ITPR1: variants seen among roughly 807,000 people sequenced by gnomAD.
The protein encoded by ITPR1 is inositol 1,4,5-trisphosphate receptor type 1, also known as inositol 1,4,5-trisphosphate-gated calcium channel ITPR1.
A neutral mutation model predicts 318.4 loss-of-function variants in ITPR1; 96 were observed. The observed-to-expected ratio is 0.30, with a 90% CI of 0.26 to 0.36. ITPR1 has a LOEUF of 0.36. Among genes scored for constraint, ITPR1 ranks in the 10% least tolerant of loss-of-function variants. The pLI is 1.00. For synonymous variants in ITPR1, 1,312 were observed against 1,289.9 expected, an observed-to-expected ratio of 1.02 and a Z score of -0.37; for missense variants, 2,440 against 3,460.2, an observed-to-expected ratio of 0.71 and a Z score of 7.40.
chr3:4,702,419 G>T (rs2094675353), intron 35 of ITPR1, among the ~76,000 whole-genome samples: 1 of 152,160 alleles, frequency 6.6e-6, no homozygotes, highest in African/African-American at 2.4e-5. Context: ...GAACTTTGGG[G>T]TCAGTCTGCC....
At chr3:4,689,248 A>T (rs181135659) in intron 31 of ITPR1, among the ~76,000 whole-genome samples, 189 of 152,358 alleles carry the variant, frequency 1.2e-3, no homozygotes, top group Admixed American at 2.3e-3. Context: ...ATATTAATGG[A>T]CAGTTAGGCA....
chr3:4,566,604 G>GCACACACACACACACACACA (rs57756103), intron 4 of ITPR1, among the ~76,000 whole-genome samples: 96 of 140,978 alleles, frequency 6.8e-4, no homozygotes, highest in African/African-American at 2.3e-3. Flanking sequence ...GGGGACACAT[G>GCACACACACACACACACACA]CACACACACA....
chr3:4,702,075 T>G (rs1426721536), intron 35 of ITPR1, among the ~76,000 whole-genome samples: 1 of 152,208 alleles, frequency 6.6e-6, no homozygotes, highest in African/African-American at 2.4e-5. Context: ...GCCTTGCTGG[T>G]CCAAAGCTAC....
chr3:4,572,246 T>C (rs1267963774), intron 4 of ITPR1, among the ~76,000 whole-genome samples: 1 of 152,212 alleles, frequency 6.6e-6, no homozygotes, highest in Non-Finnish European at 1.5e-5. Context: ...TTTGGATGTA[T>C]CTCATAGGCA....
intron 37 of ITPR1, among the ~76,000 whole-genome samples, chr3:4,707,592 G>C (rs974285782): frequency 3.3e-5 from 5 of 152,194 alleles, no homozygotes; most frequent in Non-Finnish European, 7.3e-5. Context: ...CTCCAGTTCA[G>C]GGGGAGGGAA....
chr3:4,520,477 A>G (rs184998365), intron 3 of ITPR1, among the ~76,000 whole-genome samples: 15 of 152,128 alleles, frequency 9.9e-5, no homozygotes, highest in African/African-American at 3.6e-4. Context: ...TCTATTTCGA[A>G]TCTTCCAGTA....
chr3:4,687,264 G>C (rs765141375), intron 30 of ITPR1, among the ~76,000 whole-genome samples: 1 of 152,178 alleles, frequency 6.6e-6, no homozygotes, highest in Non-Finnish European at 1.5e-5. Flanking sequence ...TTAAGAAAAA[G>C]CTTGCTGACC....
At chr3:4,644,108 A>C in intron 7 of ITPR1, 28 bp from the exon 8 acceptor site, 3 of 1,497,884 alleles carry the variant, frequency 2.0e-6, no homozygotes, top group Non-Finnish European at 2.8e-6. Flanking sequence ...AGTTTTGTGC[A>C]AAGCTCTATT....
chr3:4,737,460 C>T (rs1279048486), intron 44 of ITPR1, among the ~76,000 whole-genome samples: 3 of 152,136 alleles, frequency 2.0e-5, no homozygotes. Flanking sequence ...TGTCATATTC[C>T]ATGGTAGAGA....
chr3:4,825,847 G>C, intron 60 of ITPR1: 1 of 456,036 alleles, frequency 2.2e-6, no homozygotes, highest in South Asian at 1.6e-5. Flanking sequence ...GCAGGGGCTG[G>C]TGGGAGGAGA....
chr3:4,539,747 A>G (rs995741336), intron 4 of ITPR1, among the ~76,000 whole-genome samples: 1 of 152,094 alleles, frequency 6.6e-6, no homozygotes, highest in African/African-American at 2.4e-5. Context: ...TGGCTTTATA[A>G]GAAGAGGAAG....
intron 4 of ITPR1, among the ~76,000 whole-genome samples, chr3:4,582,225 T>C (rs1024784530): frequency 6.6e-6 from 1 of 152,116 alleles, no homozygotes; most frequent in South Asian, 2.1e-4. Flanking sequence ...AGTAGGCAAT[T>C]TTCCTCTCCC....
At chr3:4,737,817 C>G (rs1237675796) in intron 44 of ITPR1, among the ~76,000 whole-genome samples, 1 of 152,180 alleles carries the variant, frequency 6.6e-6, no homozygotes, top group East Asian at 1.9e-4. Context: ...CAAGAGAGCT[C>G]TCTGGGTGCT....
chr3:4,565,291 G>C (rs770353305), intron 4 of ITPR1, among the ~76,000 whole-genome samples: 24 of 152,292 alleles, frequency 1.6e-4, no homozygotes, highest in South Asian at 1.5e-3. Context: ...AGAGTTGATA[G>C]AATAGTCACA....
At chr3:4,690,953 T>C (rs1157959579) in intron 31 of ITPR1, among the ~76,000 whole-genome samples, 191 bp from the exon 32 acceptor site, 1 of 152,162 alleles carries the variant, frequency 6.6e-6, no homozygotes, top group Admixed American at 6.5e-5. Context: ...TGTATGTTTA[T>C]TTATATGTCA....
chr3:4,688,597 A>C lies in ITPR1; in HGVS notation c.3805A>C (p.Ile1269Leu), dbSNP rs765077446. 4 of 1,613,982 alleles carry C rather than the reference A, an allele frequency of 2.5e-6. No homozygotes were observed. The highest frequency in any genetic ancestry group is 3.4e-6 in the Non-Finnish European group (4 of 1,179,834). Reference protein sequence around the residue: ...QQNQALLHKHINLFLNPGILE... With the variant: ...QQNQALLHKHLNLFLNPGILE... ...GAATCAAGCTTTGCTACATAAACACATAAACCTGTTTCTCAACCCAGGGGT... is the reference window on the plus strand; with the variant it reads ...GAATCAAGCTTTGCTACATAAACACCTAAACCTGTTTCTCAACCCAGGGGT... The change falls in exon 31 of 62, where the codon ATA (isoleucine) becomes CTA (leucine). Residue 1269 changes from isoleucine (I) to leucine (L), a missense_variant. Ile to Leu is a conservative substitution (Grantham distance 5, BLOSUM62 2). Around this residue, in one of 23 missense-constraint regions of ITPR1, gnomAD observed 222 missense variants for 318.8 expected, o/e 0.70. Transcript: ENST00000649015.
chr3:4,587,426 A>G (rs1366890097), intron 4 of ITPR1, among the ~76,000 whole-genome samples: 1 of 152,126 alleles, frequency 6.6e-6, no homozygotes, highest in Non-Finnish European at 1.5e-5. Flanking sequence ...GCATGCCACC[A>G]TGCCCCGCTA....
At chr3:4,578,636 G>A (rs1353045) in intron 4 of ITPR1, among the ~76,000 whole-genome samples, 135,242 of 152,132 alleles carry the variant, frequency 0.89, 60,390 homozygotes, top group East Asian at 1. Flanking sequence ...TTGAGTTACC[G>A]TTGTTCATAG....
chr3:4,745,747 C>T (rs755711695), intron 44 of ITPR1, among the ~76,000 whole-genome samples: 1 of 152,176 alleles, frequency 6.6e-6, no homozygotes, highest in East Asian at 1.9e-4. Flanking sequence ...GATTTCTGCT[C>T]AAATCCCTGA....
Sources: gnomAD v4.1 joint callset for allele counts (sites outside exome capture counted in the v4.1 genomes callset) on GRCh38, gnomAD v4.1.1 for gene constraint, gnomAD v4.1.1 regional missense constraint, MANE v1.5 for transcripts, NCBI Gene and HGNC (gene_info 2026-07-23, HGNC 2026-07-21) for gene names.